PLXNA4: variants seen among roughly 807,000 people sequenced by gnomAD.
PLXNA4 encodes the protein plexin-A4.
A neutral mutation model predicts 191.8 loss-of-function variants in PLXNA4; 44 were observed. The observed-to-expected ratio is 0.23, with a 90% CI of 0.18 to 0.29. PLXNA4 has a LOEUF of 0.29. PLXNA4 is among the 10% of genes least tolerant of loss of function. The pLI is 1.00. For synonymous variants in PLXNA4, 1,082 were observed against 1,009.5 expected, an observed-to-expected ratio of 1.07 and a Z score of -1.36; for missense variants, 1,800 against 2,488.8, an observed-to-expected ratio of 0.72 and a Z score of 5.89.
intron 25 of PLXNA4, among the ~76,000 whole-genome samples, chr7:132,151,423 G>A (rs1584767851): frequency 4.9e-5 from 5 of 101,842 alleles, no homozygotes; most frequent in African/African-American, 2.0e-4. Context: ...AGGAGGAGGA[G>A]GAGGAGGAAG....
chr7:132,463,110 C>T (rs1237646171), intron 3 of PLXNA4, among the ~76,000 whole-genome samples: 2 of 152,088 alleles, frequency 1.3e-5, no homozygotes, highest in African/African-American at 2.4e-5. Flanking sequence ...TTCAGCCTCT[C>T]AAAGTGCTAG....
chr7:132,298,319 G>A, intron 3 of PLXNA4, 97 bp from the exon 4 acceptor site: 1 of 1,468,092 alleles, frequency 6.8e-7, no homozygotes, highest in Non-Finnish European at 9.1e-7. Context: ...AAGGGAGAGG[G>A]CATGAGTTCT....
At chr7:132,622,022 G>A (rs967791040) in intron 2 of PLXNA4, among the ~76,000 whole-genome samples, 1 of 151,928 alleles carries the variant, frequency 6.6e-6, no homozygotes, top group Admixed American at 6.6e-5. Flanking sequence ...TTTTCCTTGG[G>A]CACACACCTA....
At chr7:132,521,177 TGAAAAAAAA>T (rs1229882544) in intron 1 of PLXNA4, among the ~76,000 whole-genome samples, 28 of 115,660 alleles carry the variant, frequency 2.4e-4, no homozygotes, top group African/African-American at 5.6e-4. Context: ...ATTTGCTCCT[TGAAAAAAAA>T]AAAAAAAAAA....
intron 3 of PLXNA4, among the ~76,000 whole-genome samples, chr7:132,406,592 A>G (rs1794227924): frequency 6.6e-6 from 1 of 152,188 alleles, no homozygotes; most frequent in African/African-American, 2.4e-5. Flanking sequence ...ACTTAGGCAT[A>G]TCTGATTTTT....
intron 4 of PLXNA4, among the ~76,000 whole-genome samples, chr7:132,257,272 A>G (rs1224747590): frequency 1.3e-5 from 2 of 152,246 alleles, no homozygotes; most frequent in African/African-American, 4.8e-5. Flanking sequence ...ACAATGATGA[A>G]GGCAGAGTTG....
rs551440405 is a variant in PLXNA4, at chr7:132,504,126, G to C, written c.1188+3380C>G. ...CAACCAGCCCTCATCTCCAATGGGA[G>C]CACAGCCGGCCTTCCCTGATTCACC... On this transcript the variant is annotated intron_variant, in intron 2 of 31. Coordinates refer to ENST00000321063, the MANE Select transcript of PLXNA4 (RefSeq NM_020911.2). Among the ~76,000 whole-genome samples, 18 of 152,374 alleles carry C rather than the reference G, an allele frequency of 1.2e-4. No homozygotes were observed. In the South Asian group the frequency reaches 3.5e-3, roughly 30 times the overall value.
chr7:132,167,385 G>A (rs1796153875), intron 22 of PLXNA4, among the ~76,000 whole-genome samples: 1 of 152,200 alleles, frequency 6.6e-6, no homozygotes, highest in Non-Finnish European at 1.5e-5. Context: ...AACACTTGCT[G>A]GGCTGTGCTG....
chr7:132,161,422 A>G (rs967761024), intron 24 of PLXNA4, among the ~76,000 whole-genome samples: 1 of 152,238 alleles, frequency 6.6e-6, no homozygotes, highest in Admixed American at 6.5e-5. Context: ...CCCTTCCTCC[A>G]TGCTCCTTGG....
At chr7:132,291,600 T>G (rs1800893136) in intron 4 of PLXNA4, among the ~76,000 whole-genome samples, 1 of 152,102 alleles carries the variant, frequency 6.6e-6, no homozygotes, top group Non-Finnish European at 1.5e-5. Context: ...TATGTAGCAT[T>G]TGTGTGCAGA....
chr7:132,427,162 G>C (rs1795076036), intron 3 of PLXNA4, among the ~76,000 whole-genome samples: 1 of 152,252 alleles, frequency 6.6e-6, no homozygotes, highest in Non-Finnish European at 1.5e-5. Flanking sequence ...TGCCAGGGCA[G>C]AGGGAAGAGC....
chr7:132,619,221 T>C (rs1406983552), intron 2 of PLXNA4, among the ~76,000 whole-genome samples: 2 of 152,138 alleles, frequency 1.3e-5, no homozygotes, highest in Non-Finnish European at 1.5e-5. Context: ...TTCCAGATAG[T>C]ATCAAGCCTG....
At chr7:132,443,361 C>A (rs1196341048) in intron 3 of PLXNA4, among the ~76,000 whole-genome samples, 1 of 152,242 alleles carries the variant, frequency 6.6e-6, no homozygotes, top group Non-Finnish European at 1.5e-5. Context: ...TCAGAGAGAG[C>A]AGTCGCACTG....
chr7:132,596,528 A>G (rs1802713171), intron 2 of PLXNA4, among the ~76,000 whole-genome samples: 1 of 152,274 alleles, frequency 6.6e-6, no homozygotes, highest in African/African-American at 2.4e-5. Flanking sequence ...ACAAAAGATT[A>G]TGAAGATTTA....
chr7:132,128,489 T>C lies in PLXNA4; in HGVS notation c.*1990A>G, dbSNP rs1202922768. On this transcript the variant is annotated 3_prime_UTR_variant, in exon 32 of 32. Coordinates refer to ENST00000321063, the MANE Select transcript of PLXNA4 (RefSeq NM_020911.2). The stretch of plus-strand genomic sequence containing the variant: ...TCTCAGCATAGAAAGCAAGTAAGTG[T>C]TGAAATGTCCTGAAGCTGCAGGATG... 2.0e-5 allele frequency: 3 copies of C among 152,050 alleles called. No homozygotes were observed. 9.4% of individuals were successfully genotyped at this position (152,050 alleles called of 1,614,324 possible).
chr7:132,141,445 C>T (rs1795266315), intron 29 of PLXNA4, among the ~76,000 whole-genome samples: 1 of 152,224 alleles, frequency 6.6e-6, no homozygotes, highest in African/African-American at 2.4e-5. Flanking sequence ...CCAGTTGGCA[C>T]CTCCTGCCCA....
intron 2 of PLXNA4, among the ~76,000 whole-genome samples, chr7:132,599,782 C>T (rs182301797): frequency 3.3e-5 from 5 of 151,682 alleles, no homozygotes; most frequent in East Asian, 1.9e-4. Context: ...AAGGTAAATA[C>T]GTCCAAATTT....
At chr7:132,585,848 C>G (rs2116818926) in intron 2 of PLXNA4, among the ~76,000 whole-genome samples, 1 of 152,270 alleles carries the variant, frequency 6.6e-6, no homozygotes, top group African/African-American at 2.4e-5. Context: ...TCATCTAAAC[C>G]TAATTACCTC....
At chr7:132,414,759 C>T (rs1794598374) in intron 3 of PLXNA4, among the ~76,000 whole-genome samples, 2 of 152,112 alleles carry the variant, frequency 1.3e-5, no homozygotes, top group Non-Finnish European at 1.5e-5. Flanking sequence ...TGGCAAGAGG[C>T]GTACGTATCA....
Sources: gnomAD v4.1 joint callset for allele counts (sites outside exome capture counted in the v4.1 genomes callset) on GRCh38, gnomAD v4.1.1 for gene constraint, MANE v1.5 for transcripts, NCBI Gene and HGNC (gene_info 2026-07-23, HGNC 2026-07-21) for gene names.